Variants in HDAC4 observed in about 807,000 individuals in gnomAD.
The protein encoded by HDAC4 is histone deacetylase 4, also known as histone deacetylase A.
HDAC4 carries 16 observed loss-of-function variants against 135.1 expected under a neutral mutation model. That is an observed-to-expected ratio of 0.12 (90% CI 0.08 to 0.18). HDAC4 has a LOEUF of 0.18. Ranked by LOEUF, HDAC4 falls within the 10% of genes least tolerant of loss-of-function variation. The probability of loss-of-function intolerance (pLI) is 1.00; values close to 1 mark genes in which losing one functional copy is unlikely to be tolerated. For synonymous variants in HDAC4, 685 were observed against 653.4 expected, an observed-to-expected ratio of 1.05 and a Z score of -0.74; for missense variants, 1,143 against 1,511.8, an observed-to-expected ratio of 0.76 and a Z score of 4.05.
intron 9 of HDAC4, among the ~76,000 whole-genome samples, chr2:239,137,536 T>A (rs1204397939): frequency 2.0e-5 from 3 of 152,120 alleles, no homozygotes; most frequent in Non-Finnish European, 2.9e-5. Flanking sequence ...CTTCCCTGGG[T>A]CCAGGGGGCC....
chr2:239,280,520 C>A (rs2050645435), intron 2 of HDAC4, among the ~76,000 whole-genome samples: 1 of 152,200 alleles, frequency 6.6e-6, no homozygotes. Flanking sequence ...CACGCCTCCC[C>A]ACCTGGTCCC....
intron 2 of HDAC4, among the ~76,000 whole-genome samples, chr2:239,346,787 C>T (rs576859876): frequency 1.1e-4 from 14 of 122,076 alleles, no homozygotes; most frequent in African/African-American, 3.4e-4. Flanking sequence ...ACACATACAC[C>T]GTCTCACACA....
intron 2 of HDAC4, among the ~76,000 whole-genome samples, chr2:239,254,010 A>C (rs1024064841): frequency 6.6e-6 from 1 of 152,138 alleles, no homozygotes; most frequent in Non-Finnish European, 1.5e-5. Flanking sequence ...GAAGCAATAG[A>C]GGGTTGCTAG....
chr2:239,089,814 C>G, intron 18 of HDAC4, 195 bp downstream of exon 18: 1 of 610,776 alleles, frequency 1.6e-6, no homozygotes. Flanking sequence ...GTACTATGCA[C>G]ATACCCTATC....
At chr2:239,073,729 C>A (rs1272670878) in intron 22 of HDAC4, among the ~76,000 whole-genome samples, 3 of 152,384 alleles carry the variant, frequency 2.0e-5, no homozygotes, top group African/African-American at 7.2e-5. Flanking sequence ...ACCGCACTGG[C>A]CTCAGAGCGT....
intron 2 of HDAC4, among the ~76,000 whole-genome samples, chr2:239,324,226 A>G (rs1406920402): frequency 6.6e-6 from 1 of 152,214 alleles, no homozygotes; most frequent in African/African-American, 2.4e-5. Context: ...TGGACACGCA[A>G]AGGCAAAAAT....
At chr2:239,206,250 C>A (rs1238155670) in intron 3 of HDAC4, among the ~76,000 whole-genome samples, 1 of 152,102 alleles carries the variant, frequency 6.6e-6, no homozygotes, top group African/African-American at 2.4e-5. Context: ...ATGGCCTGAG[C>A]GTGGGAGGCA....
chr2:239,214,708 C>A (rs760383915), intron 3 of HDAC4, among the ~76,000 whole-genome samples: 1 of 152,252 alleles, frequency 6.6e-6, no homozygotes, highest in Non-Finnish European at 1.5e-5. Context: ...TTACACTCTG[C>A]CCTTCTCAAA....
intron 11 of HDAC4, among the ~76,000 whole-genome samples, chr2:239,129,166 C>A (rs374478359): frequency 6.6e-6 from 1 of 152,226 alleles, no homozygotes; most frequent in Non-Finnish European, 1.5e-5. Context: ...CAGAATTTCA[C>A]TCTGCTGCCT....
chr2:239,073,261 A>T (rs758603258), intron 22 of HDAC4, among the ~76,000 whole-genome samples: 2 of 152,102 alleles, frequency 1.3e-5, no homozygotes, highest in Admixed American at 1.3e-4. Flanking sequence ...TTTCCCCTAG[A>T]CCTGCCTCTG....
In HDAC4 at chr2:239,400,477, G is replaced by C. The variant is rs1696896450; in HGVS notation, c.-220+501C>G. The C allele has an allele frequency of 1.4e-5, 2 of 146,156 alleles. No individual in the cohort carries two copies. Among genetic ancestry groups the C allele is most frequent in the Non-Finnish European group, 3.0e-5 (2 of 65,724 alleles). 9.1% of individuals were successfully genotyped at this position (146,156 alleles called of 1,614,324 possible). On this transcript the variant is annotated intron_variant, in intron 1 of 26. Transcript: ENST00000543185. The surrounding 1 kb of genome is among the most constrained non-coding windows in gnomAD (Gnocchi z 4.7). ...GGCGGGCGAAGCCGCCTCGCGGCGCGGGTGGAAAGGTCCAGAAGGGGCCGG... is the reference window on the plus strand; with the variant it reads ...GGCGGGCGAAGCCGCCTCGCGGCGCCGGTGGAAAGGTCCAGAAGGGGCCGG...
intron 2 of HDAC4, among the ~76,000 whole-genome samples, chr2:239,323,721 A>G (rs1646998983): frequency 6.6e-6 from 1 of 152,138 alleles, no homozygotes; most frequent in South Asian, 2.1e-4. Flanking sequence ...TCTGGATTTA[A>G]GGAGGAAGAT....
chr2:239,226,829 C>T (rs1197027322), intron 3 of HDAC4, among the ~76,000 whole-genome samples: 7 of 152,174 alleles, frequency 4.6e-5, no homozygotes, highest in South Asian at 2.1e-4. Context: ...TGTCCTGGGC[C>T]GCGTGGGGAG....
At chr2:239,235,810 C>A (rs549721577) in intron 3 of HDAC4, among the ~76,000 whole-genome samples, 13 of 152,296 alleles carry the variant, frequency 8.5e-5, no homozygotes, top group African/African-American at 3.1e-4. Flanking sequence ...GAGGCCGAGG[C>A]AGGCAGATTA....
At chr2:239,357,251 G>T (rs1389692288) in intron 1 of HDAC4, among the ~76,000 whole-genome samples, 1 of 152,140 alleles carries the variant, frequency 6.6e-6, no homozygotes, top group Non-Finnish European at 1.5e-5. Context: ...CTAAGTATTT[G>T]CAAACACATC....
At chr2:239,323,215 G>A (rs2053370104) in intron 2 of HDAC4, among the ~76,000 whole-genome samples, 1 of 152,154 alleles carries the variant, frequency 6.6e-6, no homozygotes, top group African/African-American at 2.4e-5. Context: ...TCCCATTGCT[G>A]TTCTATCGTG....
At chr2:239,377,617 C>A (rs934844904) in intron 1 of HDAC4, among the ~76,000 whole-genome samples, 1 of 152,234 alleles carries the variant, frequency 6.6e-6, no homozygotes, top group Non-Finnish European at 1.5e-5. Context: ...CAACCTGGAG[C>A]AGCCGAGGTG....
chr2:239,093,457 C>A (rs1476024968), intron 17 of HDAC4, among the ~76,000 whole-genome samples: 1 of 152,182 alleles, frequency 6.6e-6, no homozygotes, highest in Admixed American at 6.5e-5. Context: ...TGCATCTGTG[C>A]CAGCGACAGC....
chr2:239,369,973 G>A (rs1003773939), intron 1 of HDAC4, among the ~76,000 whole-genome samples: 1 of 152,232 alleles, frequency 6.6e-6, no homozygotes, highest in African/African-American at 2.4e-5. Flanking sequence ...GCCACATCCT[G>A]TCATCTCCAC....
Sources: gnomAD v4.1 joint callset for allele counts (sites outside exome capture counted in the v4.1 genomes callset) on GRCh38, gnomAD v4.1.1 for gene constraint, Gnocchi (gnomAD v3.1) non-coding constraint, MANE v1.5 for transcripts, NCBI Gene and HGNC (gene_info 2026-07-23, HGNC 2026-07-21) for gene names.